SNX29: variants seen among roughly 807,000 people sequenced by gnomAD.
SNX29 encodes the protein sorting nexin-29.
A neutral mutation model predicts 102.1 loss-of-function variants in SNX29; 78 were observed. That is an observed-to-expected ratio of 0.76 (90% CI 0.64 to 0.92). SNX29 has a LOEUF of 0.92. Ranked by LOEUF, SNX29 falls within the 40% of genes least tolerant of loss-of-function variation. The pLI, the probability that SNX29 is intolerant of heterozygous loss-of-function variation, is 0.00. For synonymous variants in SNX29, 580 were observed against 414.5 expected, an observed-to-expected ratio of 1.40 and a Z score of -4.85; for missense variants, 1,280 against 1,061.7, an observed-to-expected ratio of 1.21 and a Z score of -2.86.
chr16:12,221,027 T>A (rs1731619137), intron 14 of SNX29, among the ~76,000 whole-genome samples: 1 of 152,230 alleles, frequency 6.6e-6, no homozygotes, highest in Non-Finnish European at 1.5e-5. Flanking sequence ...TCACCCTCTC[T>A]TCATTGGCAG....
intron 19 of SNX29, among the ~76,000 whole-genome samples, chr16:12,492,916 C>G (rs1486920667): frequency 6.6e-6 from 1 of 152,160 alleles, no homozygotes; most frequent in African/African-American, 2.4e-5. Context: ...CAGTAAAATG[C>G]TGTTTTGGTT....
At position 12,572,663 on chromosome 16, in the gene SNX29, G is replaced by A. The variant is rs1480975682; in HGVS notation, c.*4034G>A. On this transcript the variant is annotated 3_prime_UTR_variant, in exon 21 of 21. Transcript: ENST00000566228. ...CCTCCACCAAGCTCCTGTGTGAGCT[G>A]CAGCACCCACACGGGGGAAGCCCTG... The A allele has an allele frequency of 8.5e-6, 9 of 1,063,724 alleles. No individual in the cohort carries two copies. The highest frequency in any genetic ancestry group is 3.4e-6 in the Non-Finnish European group (3 of 878,364). 65.9% of individuals were successfully genotyped at this position (1,063,724 alleles called of 1,614,324 possible).
rs147171013 is a variant in SNX29, at chr16:12,115,768, T to C, written c.1403-10865T>C. 3.5e-3 allele frequency among the ~76,000 whole-genome samples: 527 copies of C among 152,358 alleles called. 4 individuals are homozygous for C. The highest frequency in any genetic ancestry group is 0.011 in the African/African-American group (477 of 41,598). ...GGTCCTTTGGCGGGTTTCTGCAATA[T>C]GTTCCTCCTCGAGGCCTTTCTTTGT... On this transcript the variant is annotated intron_variant, in intron 11 of 20. Coordinates refer to ENST00000566228, the MANE Select transcript of SNX29 (RefSeq NM_032167.5).
intron 16 of SNX29, 22 bp from the exon 17 acceptor site, chr16:12,398,424 C>A: frequency 6.2e-7 from 1 of 1,613,730 alleles, no homozygotes; most frequent in Non-Finnish European, 8.5e-7. Context: ...TTTCTCCCCT[C>A]TCCCCCTTCT....
At chr16:12,503,674 C>T (rs2089234141) in intron 19 of SNX29, among the ~76,000 whole-genome samples, 1 of 152,306 alleles carries the variant, frequency 6.6e-6, no homozygotes, top group South Asian at 2.1e-4. Context: ...CCTCTTCCTT[C>T]TTTCCCTCCT....
At position 12,545,044 on chromosome 16, in the gene SNX29, G is replaced by GC. The variant is rs559932934; in HGVS notation, c.2318+20206dup. ...CGGCTTCAGTAGCCAGGTCTGTGATGCCCTGCTCCTGTAGCATAGCCACGA... is the reference window on the plus strand; with the variant it reads ...CGGCTTCAGTAGCCAGGTCTGTGATGCCCCTGCTCCTGTAGCATAGCCACGA... On this transcript the variant is annotated intron_variant, in intron 20 of 20. Transcript: ENST00000566228. Among the ~76,000 whole-genome samples, 666 of 152,282 alleles carry GC rather than the reference G, an allele frequency of 4.4e-3. 5 individuals are homozygous for GC. Among genetic ancestry groups the GC allele is most frequent in the African/African-American group, 0.015 (643 of 41,554 alleles).
At chr16:12,388,686 C>T (rs566604862) in intron 16 of SNX29, among the ~76,000 whole-genome samples, 11 of 152,302 alleles carry the variant, frequency 7.2e-5, no homozygotes, top group South Asian at 2.1e-4. Context: ...CATAAAACTT[C>T]GTTTACAAAA....
chr16:12,251,694 C>G (rs1170935234), intron 14 of SNX29, among the ~76,000 whole-genome samples: 3 of 152,172 alleles, frequency 2.0e-5, no homozygotes, highest in African/African-American at 7.2e-5. Context: ...CAGAGTAAGA[C>G]TCTGTCTCCA....
chr16:12,344,340 C>A (rs1318757723), intron 15 of SNX29, among the ~76,000 whole-genome samples: 1 of 152,156 alleles, frequency 6.6e-6, no homozygotes, highest in African/African-American at 2.4e-5. Flanking sequence ...TGGTTCCAAT[C>A]CCACGGCCTT....
chr16:12,052,742 G>A (rs1323668494), intron 8 of SNX29: 4 of 165,986 alleles, frequency 2.4e-5, no homozygotes, highest in Non-Finnish European at 5.3e-5. Flanking sequence ...ATGTCAGAAT[G>A]TGTGCCTTGA....
At chr16:12,310,574 C>T (rs1317065473) in intron 15 of SNX29, among the ~76,000 whole-genome samples, 1 of 151,742 alleles carries the variant, frequency 6.6e-6, no homozygotes, top group Non-Finnish European at 1.5e-5. Context: ...ATAGAAAACT[C>T]TGGAAAATGC....
At chr16:12,043,905 A>G (rs536607908) in intron 5 of SNX29, among the ~76,000 whole-genome samples, 96 of 152,140 alleles carry the variant, frequency 6.3e-4, no homozygotes, top group African/African-American at 2.1e-3. Context: ...GGCCTGTGCC[A>G]CCATACTCAG....
At chr16:12,502,285 G>A (rs1425665330) in intron 19 of SNX29, among the ~76,000 whole-genome samples, 1 of 152,184 alleles carries the variant, frequency 6.6e-6, no homozygotes, top group Non-Finnish European at 1.5e-5. Flanking sequence ...TTGAGCTAGT[G>A]TAGACCAGCA....
chr16:12,564,579 C>T (rs561882253), intron 20 of SNX29, among the ~76,000 whole-genome samples: 29 of 152,152 alleles, frequency 1.9e-4, no homozygotes, highest in Non-Finnish European at 2.9e-4. Context: ...GCCATCCAGA[C>T]GCCCCTTTTT....
chr16:12,480,343 T>C (rs1169130723), intron 19 of SNX29, among the ~76,000 whole-genome samples: 13 of 152,218 alleles, frequency 8.5e-5, no homozygotes, highest in Admixed American at 8.5e-4. Flanking sequence ...CATTTTTGCC[T>C]TATGGCCTTC....
intron 14 of SNX29, among the ~76,000 whole-genome samples, chr16:12,236,993 G>C (rs2077954674): frequency 6.6e-6 from 1 of 152,206 alleles, no homozygotes; most frequent in African/African-American, 2.4e-5. Flanking sequence ...GAACTTGAAG[G>C]TTGGTGCAGG....
intron 16 of SNX29, among the ~76,000 whole-genome samples, chr16:12,362,572 C>A (rs1453162188): frequency 2.5e-5 from 2 of 79,596 alleles, no homozygotes; most frequent in African/African-American, 8.5e-5. Flanking sequence ...ACCCCCCCCC[C>A]CACCAGTTTC....
intron 14 of SNX29, among the ~76,000 whole-genome samples, chr16:12,211,176 C>CT (rs1270158618): frequency 1.3e-5 from 2 of 152,124 alleles, no homozygotes; most frequent in African/African-American, 4.8e-5. Context: ...TTGAATACTC[C>CT]TTGAGTACCA....
intron 15 of SNX29, among the ~76,000 whole-genome samples, chr16:12,309,846 T>A (rs1467788695): frequency 6.6e-6 from 1 of 152,180 alleles, no homozygotes; most frequent in Non-Finnish European, 1.5e-5. Flanking sequence ...TGCAGTGCCT[T>A]TGACCATCCC....
Sources: allele counts gnomAD v4.1 joint callset (sites outside exome capture counted in the v4.1 genomes callset), GRCh38; gene constraint gnomAD v4.1.1; transcripts MANE v1.5; gene names NCBI Gene and HGNC (gene_info 2026-07-23, HGNC 2026-07-21).